SLC30A7: variants seen among roughly 807,000 people sequenced by gnomAD.
SLC30A7 encodes zinc transporter 7.
SLC30A7 carries 35 observed loss-of-function variants against 46.0 expected under a neutral mutation model. The ratio of observed to expected loss-of-function variants is 0.76; its 90% CI spans 0.58 to 1.01. SLC30A7 has a LOEUF of 1.01. SLC30A7 is among the 50% of genes least tolerant of loss of function. The pLI, the probability that SLC30A7 is intolerant of heterozygous loss-of-function variation, is 0.00. For missense variants in SLC30A7, 464 were observed against 451.1 expected, an observed-to-expected ratio of 1.03 and a Z score of -0.26; for synonymous variants, 147 against 157.8, an observed-to-expected ratio of 0.93 and a Z score of 0.51.
chr1:100,934,342 G>A (rs899956230), intron 8 of SLC30A7, among the ~76,000 whole-genome samples: 2 of 152,122 alleles, frequency 1.3e-5, no homozygotes, highest in African/African-American at 4.8e-5. Flanking sequence ...ATAGAGACAG[G>A]AAGTTATCAG....
chr1:100,903,081 A>G (rs1025351020), intron 2 of SLC30A7, among the ~76,000 whole-genome samples: 1 of 152,176 alleles, frequency 6.6e-6, no homozygotes, highest in Non-Finnish European at 1.5e-5. Flanking sequence ...ATTAAGAAAT[A>G]AAAACATTTA....
At chr1:100,956,387 A>T (rs1178631350) in intron 8 of SLC30A7, among the ~76,000 whole-genome samples, 1 of 152,148 alleles carries the variant, frequency 6.6e-6, no homozygotes, top group East Asian at 1.9e-4. Context: ...GTTATTTTTT[A>T]AAAAGGTGGT....
At chr1:100,900,457 G>C (rs1010736207) in intron 2 of SLC30A7, among the ~76,000 whole-genome samples, 2 of 151,876 alleles carry the variant, frequency 1.3e-5, no homozygotes. Context: ...TCAATCACAT[G>C]TTTTTCTATT....
chr1:100,994,876 C>T, the SLC30A7 span, among the ~76,000 whole-genome samples: 10 of 152,276 alleles, frequency 6.6e-5, no homozygotes, highest in South Asian at 2.1e-3. Flanking sequence ...TCCACAAACA[C>T]TGAGTGTCTG....
intron 8 of SLC30A7, among the ~76,000 whole-genome samples, chr1:100,961,403 G>A (rs189527634): frequency 2.6e-5 from 4 of 152,174 alleles, no homozygotes; most frequent in Non-Finnish European, 5.9e-5. Flanking sequence ...TGTGGTTATC[G>A]CCAGGCTTCT....
At chr1:100,994,640 C>T in the SLC30A7 span, among the ~76,000 whole-genome samples, 1 of 151,984 alleles carries the variant, frequency 6.6e-6, no homozygotes, top group Non-Finnish European at 1.5e-5. Context: ...GATTCTCGTG[C>T]CTCAACCTCC....
rs1345189484 is a variant in SLC30A7, at chr1:100,981,626, C to T, written c.*6769C>T. 1 of 152,174 alleles carries T rather than the reference C, an allele frequency of 6.6e-6. No individual in the cohort carries two copies. The highest frequency in any genetic ancestry group is 1.5e-5 in the Non-Finnish European group (1 of 68,024). The allele number at this position is 152,174 out of a possible 1,614,324, so 9.4% of individuals were successfully genotyped here. On this transcript the variant is annotated 3_prime_UTR_variant, in exon 11 of 11. Coordinates refer to ENST00000357650, the MANE Select transcript of SLC30A7 (RefSeq NM_133496.5). ...TTTGCCCAAGTGCAATACAACAAAT[C>T]TATAATGTATATTTCACATTTTCTA... is the stretch of plus-strand genomic sequence containing the variant.
intron 7 of SLC30A7, 117 bp from the exon 8 acceptor site, chr1:100,921,589 T>C (rs995144800): frequency 1.4e-6 from 1 of 696,376 alleles, no homozygotes; most frequent in Non-Finnish European, 2.3e-6. Context: ...TGCTTACTTA[T>C]TTTTGAAGTT....
chr1:100,921,633 A>G (rs886267880), intron 7 of SLC30A7, 73 bp from the exon 8 acceptor site: 2 of 1,224,520 alleles, frequency 1.6e-6, no homozygotes, highest in African/African-American at 1.5e-5. Flanking sequence ...AATTAAGAGT[A>G]TAGCTCTAGG....
At chr1:100,995,169 T>C in the SLC30A7 span, 15 of 1,524,766 alleles carry the variant, frequency 9.8e-6, no homozygotes, top group Non-Finnish European at 1.4e-5. Context: ...GTAAAAATAG[T>C]TCTTTTAATT....
chr1:100,971,113 T>G (rs1174280971), intron 10 of SLC30A7, among the ~76,000 whole-genome samples: 2 of 152,104 alleles, frequency 1.3e-5, no homozygotes, highest in Non-Finnish European at 2.9e-5. Context: ...AAGTTAACAC[T>G]GATACTCAGG....
chr1:100,968,806 G>T (rs1454135185), intron 10 of SLC30A7, among the ~76,000 whole-genome samples: 1 of 152,152 alleles, frequency 6.6e-6, no homozygotes, highest in Non-Finnish European at 1.5e-5. Context: ...TCATGATTTT[G>T]CATTCCCAGT....
chr1:100,989,761 GT>G, the SLC30A7 span: 1 of 152,164 alleles, frequency 6.6e-6, no homozygotes, highest in Admixed American at 6.5e-5. Flanking sequence ...GTATAAATTG[GT>G]TTCATAAATA....
At chr1:100,915,426 T>G (rs1042200192) in intron 6 of SLC30A7, among the ~76,000 whole-genome samples, 2 of 152,060 alleles carry the variant, frequency 1.3e-5, no homozygotes, top group African/African-American at 4.8e-5. Flanking sequence ...TGACTAATAT[T>G]TCCCCTTTTC....
At chr1:100,955,501 G>A (rs1655175387) in intron 8 of SLC30A7, among the ~76,000 whole-genome samples, 2 of 152,016 alleles carry the variant, frequency 1.3e-5, no homozygotes, top group Admixed American at 1.3e-4. Context: ...TAGGGAAATG[G>A]TGCTTCATTG....
chr1:100,933,365 T>C (rs1653779065), intron 8 of SLC30A7, among the ~76,000 whole-genome samples: 2 of 152,152 alleles, frequency 1.3e-5, no homozygotes, highest in South Asian at 4.1e-4. Flanking sequence ...AGTATTCTTA[T>C]CTTGATGCCT....
the SLC30A7 span, among the ~76,000 whole-genome samples, chr1:100,992,970 G>C: frequency 6.6e-6 from 1 of 152,202 alleles, no homozygotes; most frequent in Non-Finnish European, 1.5e-5. Flanking sequence ...AATGATGGCA[G>C]GAACACATAA....
chr1:100,984,422 T>C (rs1657153205), downstream of SLC30A7, among the ~76,000 whole-genome samples: 1 of 152,206 alleles, frequency 6.6e-6, no homozygotes, highest in Non-Finnish European at 1.5e-5. Flanking sequence ...CTCATAAAGT[T>C]GTTTATGAAC....
chr1:100,932,453 C>T (rs1653717979), intron 8 of SLC30A7, among the ~76,000 whole-genome samples: 4 of 151,786 alleles, frequency 2.6e-5, no homozygotes, highest in Admixed American at 2.6e-4. Context: ...TTAATATGGC[C>T]TCTTTGTGGT....
Sources: allele counts gnomAD v4.1 joint callset (sites outside exome capture counted in the v4.1 genomes callset), GRCh38; gene constraint gnomAD v4.1.1; transcripts MANE v1.5; gene names NCBI Gene and HGNC (gene_info 2026-07-23, HGNC 2026-07-21).